SPATA13: variants seen among roughly 807,000 people sequenced by gnomAD.
SPATA13 encodes the protein spermatogenesis-associated protein 13.
A neutral mutation model predicts 104.0 loss-of-function variants in SPATA13; 50 were observed. The ratio of observed to expected loss-of-function variants is 0.48; its 90% CI spans 0.38 to 0.61. The LOEUF (loss-of-function observed/expected upper bound fraction) is 0.61. Ranked by LOEUF, SPATA13 falls within the 20% of genes least tolerant of loss-of-function variation. The pLI, the probability that SPATA13 is intolerant of heterozygous loss-of-function variation, is 0.00. For missense variants in SPATA13, 1,524 were observed against 1,690.6 expected, an observed-to-expected ratio of 0.90 and a Z score of 1.73; for synonymous variants, 606 against 667.5, an observed-to-expected ratio of 0.91 and a Z score of 1.42.
intron 3 of SPATA13, among the ~76,000 whole-genome samples, chr13:24,250,353 C>T (rs576253704): frequency 1.6e-4 from 24 of 151,978 alleles, no homozygotes; most frequent in Non-Finnish European, 3.1e-4. Flanking sequence ...ATGGATTAAA[C>T]ACTTAGTACT....
In SPATA13 at chr13:24,044,866, A is replaced by C. The variant is rs916325548; in HGVS notation, c.-112+27165A>C. On this transcript the variant is annotated intron_variant, in intron 3 of 14. Coordinates refer to the SPATA13 transcript ENST00000424834. ...TATCCATCTCCTGGAGACAGTAAAT[A>C]GAACGGTGGTTTCCAGAGGAGGGGG... Among the ~76,000 whole-genome samples, 12 of 78,150 alleles carry C rather than the reference A, an allele frequency of 1.5e-4. 1 individual carries two copies. The highest frequency in any genetic ancestry group is 5.5e-4 in the Admixed American group (3 of 5,486). The allele number at this position is 78,150 out of a possible 152,430, so 51.3% of individuals were successfully genotyped here.
chr13:24,157,511 A>G (rs1442790067), upstream of SPATA13, among the ~76,000 whole-genome samples: 2 of 152,138 alleles, frequency 1.3e-5, no homozygotes, highest in South Asian at 2.1e-4. Flanking sequence ...CGTGTTAGCC[A>G]GGATGGTCTC....
At chr13:24,234,218 G>T (rs1872447361) in intron 2 of SPATA13, among the ~76,000 whole-genome samples, 1 of 152,178 alleles carries the variant, frequency 6.6e-6, no homozygotes, top group South Asian at 2.1e-4. Context: ...TGAAGTTTAA[G>T]AAATGATAGG....
chr13:24,057,624 A>T (rs1458155445), intron 3 of SPATA13, among the ~76,000 whole-genome samples: 1 of 146,504 alleles, frequency 6.8e-6, no homozygotes, highest in Non-Finnish European at 1.6e-5. Context: ...TTTTCTCTCC[A>T]CCCTACCCCT....
intron 2 of SPATA13, among the ~76,000 whole-genome samples, chr13:24,007,974 G>A (rs55668663): frequency 0.29 from 43,772 of 152,158 alleles, 6,411 homozygotes; most frequent in Non-Finnish European, 0.32. Context: ...GTCCTGGGGG[G>A]AAATGGAGGC....
chr13:24,181,246 C>G (rs1009915885), intron 1 of SPATA13, among the ~76,000 whole-genome samples: 26 of 152,094 alleles, frequency 1.7e-4, no homozygotes, highest in Non-Finnish European at 2.6e-4. Flanking sequence ...TCCACTTAGT[C>G]CACTCTAAAT....
At chr13:24,182,846 G>A (rs931039228) in intron 1 of SPATA13, among the ~76,000 whole-genome samples, 6 of 152,074 alleles carry the variant, frequency 3.9e-5, no homozygotes, top group Non-Finnish European at 8.8e-5. Context: ...AGCATGTTGC[G>A]CCACATCAGT....
At chr13:24,200,766 G>C (rs1001026561) in intron 1 of SPATA13, among the ~76,000 whole-genome samples, 4 of 151,216 alleles carry the variant, frequency 2.6e-5, no homozygotes, top group Admixed American at 1.3e-4. Flanking sequence ...CCTCATGACT[G>C]TTGGTCACCT....
intron 2 of SPATA13, among the ~76,000 whole-genome samples, chr13:24,237,167 C>G (rs1218525608): frequency 6.6e-6 from 1 of 151,758 alleles, no homozygotes; most frequent in Admixed American, 6.6e-5. Flanking sequence ...ACCAGCCTGG[C>G]CAACATGGTG....
intron 2 of SPATA13, among the ~76,000 whole-genome samples, chr13:23,994,891 G>A (rs1170808291): frequency 6.6e-6 from 1 of 152,180 alleles, no homozygotes. Context: ...TCAGCACACT[G>A]TTATGAAGCA....
At chr13:24,022,772 G>A (rs1490728662) in intron 3 of SPATA13, among the ~76,000 whole-genome samples, 4 of 152,112 alleles carry the variant, frequency 2.6e-5, no homozygotes, top group Non-Finnish European at 5.9e-5. Flanking sequence ...TTTCACTGAT[G>A]ACTACTTCTG....
intron 2 of SPATA13, among the ~76,000 whole-genome samples, chr13:23,985,925 C>A (rs1875129465): frequency 6.6e-6 from 1 of 152,138 alleles, no homozygotes; most frequent in Non-Finnish European, 1.5e-5. Flanking sequence ...AGGAAGCCAG[C>A]CTGGGTACTA....
intron 1 of SPATA13, among the ~76,000 whole-genome samples, chr13:24,212,867 G>A (rs17364874): frequency 0.47 from 71,932 of 152,190 alleles, 19,527 homozygotes; most frequent in Non-Finnish European, 0.62. Flanking sequence ...AGTTGCTGCC[G>A]TTGGGAGAAA....
At chr13:24,012,239 T>G (rs948967935) in intron 2 of SPATA13, among the ~76,000 whole-genome samples, 5 of 152,224 alleles carry the variant, frequency 3.3e-5, no homozygotes, top group Non-Finnish European at 7.3e-5. Flanking sequence ...TAGAAGGGTC[T>G]AGGGACTCCT....
At chr13:24,198,949 A>G (rs1489380733) in intron 1 of SPATA13, among the ~76,000 whole-genome samples, 2 of 108,912 alleles carry the variant, frequency 1.8e-5, no homozygotes, top group African/African-American at 3.0e-5. Context: ...GAACTATAAA[A>G]TCTTTTTTTT....
intron 12 of SPATA13, among the ~76,000 whole-genome samples, chr13:24,302,274 G>A (rs964227308): frequency 5.9e-5 from 9 of 151,802 alleles, no homozygotes; most frequent in African/African-American, 2.2e-4. Flanking sequence ...TTTGGTTAAC[G>A]TGAATTAAGA....
At chr13:24,057,480 T>A (rs1878605899) in intron 3 of SPATA13, among the ~76,000 whole-genome samples, 1 of 152,176 alleles carries the variant, frequency 6.6e-6, no homozygotes. Flanking sequence ...TTCTGAGTCC[T>A]GTGACTGCAT....
chr13:24,231,399 T>C (rs531142552), intron 2 of SPATA13, among the ~76,000 whole-genome samples: 14 of 152,336 alleles, frequency 9.2e-5, no homozygotes, highest in African/African-American at 3.1e-4. Flanking sequence ...AAAACCTTGT[T>C]TTCAAGGTTT....
intron 9 of SPATA13, among the ~76,000 whole-genome samples, chr13:24,291,741 T>TTTTTTTTTTAATTTTTTTTTATTTTTTA: frequency 1.4e-4 from 2 of 13,864 alleles, no homozygotes; most frequent in Non-Finnish European, 3.4e-4. Context: ...TCTGTCTTTA[T>TTTTTTTTTTAATTTTTTTTTATTTTTTA]TTTTTTATTT....
Sources: allele counts gnomAD v4.1 joint callset (sites outside exome capture counted in the v4.1 genomes callset), GRCh38; gene constraint gnomAD v4.1.1; transcripts MANE v1.5; gene names NCBI Gene and HGNC (gene_info 2026-07-23, HGNC 2026-07-21).